PTPRM: variants seen among roughly 807,000 people sequenced by gnomAD.
The protein encoded by PTPRM is protein tyrosine phosphatase receptor type M, also known as receptor-type tyrosine-protein phosphatase mu.
In PTPRM, 47 loss-of-function variants were observed where a neutral mutation model predicts 186.7. The observed-to-expected ratio is 0.25, with a 90% CI of 0.20 to 0.32. The LOEUF is 0.32. Ranked by LOEUF, PTPRM falls within the 10% of genes least tolerant of loss-of-function variation. The pLI, the probability that PTPRM is intolerant of heterozygous loss-of-function variation, is 1.00. For missense variants in PTPRM, 1,494 were observed against 1,865.0 expected, an observed-to-expected ratio of 0.80 and a Z score of 3.66; for synonymous variants, 668 against 674.9, an observed-to-expected ratio of 0.99 and a Z score of 0.16.
At chr18:7,808,360 C>G (rs746375244) in intron 2 of PTPRM, among the ~76,000 whole-genome samples, 1 of 152,016 alleles carries the variant, frequency 6.6e-6, no homozygotes, top group Non-Finnish European at 1.5e-5. Context: ...CATGTAGAGG[C>G]GAGTTAGATT....
At chr18:7,611,746 G>A (rs1282889332) in intron 1 of PTPRM, among the ~76,000 whole-genome samples, 1 of 152,154 alleles carries the variant, frequency 6.6e-6, no homozygotes, top group African/African-American at 2.4e-5. Context: ...GGTCTTATGA[G>A]GGAGAGTTTC....
At chr18:8,221,179 GA>G (rs1177961254) in intron 14 of PTPRM, among the ~76,000 whole-genome samples, 1 of 152,134 alleles carries the variant, frequency 6.6e-6, no homozygotes, top group Non-Finnish European at 1.5e-5. Flanking sequence ...TGGTCATGAA[GA>G]AAAGCATTAT....
At chr18:7,957,101 T>G (rs556887210) in intron 7 of PTPRM, among the ~76,000 whole-genome samples, 10 of 152,122 alleles carry the variant, frequency 6.6e-5, no homozygotes, top group Admixed American at 2.0e-4. Context: ...TTGTTTAGAC[T>G]GGAGAGAGAC....
At chr18:8,398,465 G>C (rs1276401195) in intron 32 of PTPRM, among the ~76,000 whole-genome samples, 1 of 151,792 alleles carries the variant, frequency 6.6e-6, no homozygotes, top group Non-Finnish European at 1.5e-5. Flanking sequence ...TGTAAAGTGG[G>C]AGTAAGAATA....
At chr18:7,736,629 C>G (rs763550540) in intron 1 of PTPRM, among the ~76,000 whole-genome samples, 1 of 152,156 alleles carries the variant, frequency 6.6e-6, no homozygotes, top group Non-Finnish European at 1.5e-5. Context: ...ATGAAAGGGT[C>G]GTGATTGATT....
chr18:8,088,742 T>C lies in PTPRM; in HGVS notation c.1754-7T>C, dbSNP rs2090561613. ...ATGAGTCTCCCATTCTACGCCTTTT[T>C]CCCCAGCACCCTCTATGCCAGCTTA... On this transcript the variant is annotated splice_region_variant and splice_polypyrimidine_tract_variant and intron_variant, in intron 10 of 32. Coordinates refer to ENST00000580170, the MANE Select transcript of PTPRM (RefSeq NM_001105244.2). 6.2e-7 allele frequency: 1 copy of C among 1,601,304 alleles called. No homozygotes were observed. The highest frequency in any genetic ancestry group is 8.6e-7 in the Non-Finnish European group (1 of 1,168,666).
intron 18 of PTPRM, among the ~76,000 whole-genome samples, chr18:8,252,979 A>G (rs964092022): frequency 3.3e-5 from 5 of 152,246 alleles, no homozygotes; most frequent in Non-Finnish European, 5.9e-5. Context: ...GCTCTTCTCA[A>G]TTAGCTTTGT....
intron 7 of PTPRM, among the ~76,000 whole-genome samples, chr18:8,034,655 T>G (rs1011300130): frequency 6.6e-6 from 1 of 152,208 alleles, no homozygotes; most frequent in African/African-American, 2.4e-5. Flanking sequence ...TGCTCCACTC[T>G]GGGCTCACAG....
chr18:7,979,031 C>A (rs925753780), intron 7 of PTPRM, among the ~76,000 whole-genome samples: 10 of 152,094 alleles, frequency 6.6e-5, no homozygotes, highest in African/African-American at 2.4e-4. Flanking sequence ...CCTGGGTGAC[C>A]TTATCTATAA....
intron 3 of PTPRM, among the ~76,000 whole-genome samples, chr18:7,896,494 A>G (rs561570051): frequency 2.1e-5 from 3 of 146,340 alleles, no homozygotes; most frequent in Non-Finnish European, 4.5e-5. Context: ...TTTGATATAA[A>G]TGGTTGCTTT....
chr18:8,396,903 G>A lies in PTPRM; in HGVS notation c.4344+2292G>A, dbSNP rs553913062. 5.3e-4 allele frequency among the ~76,000 whole-genome samples: 81 copies of A among 152,350 alleles called. 1 individual carries two copies. Among genetic ancestry groups the A allele is most frequent in the Non-Finnish European group, 9.6e-4 (65 of 68,028 alleles). On this transcript the variant is annotated intron_variant, in intron 32 of 32. Transcript: ENST00000580170. ...GACCTGTTGTCATTTGGTTTTGCCTGTAAATACGACTTCTGTTTAGTTTGG... is the reference window on the plus strand; with the variant it reads ...GACCTGTTGTCATTTGGTTTTGCCTATAAATACGACTTCTGTTTAGTTTGG...
At chr18:7,789,347 T>TTATTAA (rs1464659948) in intron 2 of PTPRM, among the ~76,000 whole-genome samples, 1 of 152,022 alleles carries the variant, frequency 6.6e-6, no homozygotes, top group Non-Finnish European at 1.5e-5. Flanking sequence ...ATGATGATTA[T>TTATTAA]TATTAATATT....
intron 14 of PTPRM, 105 bp downstream of exon 14, chr18:8,143,884 GAC>G: frequency 1.4e-6 from 2 of 1,387,828 alleles, no homozygotes; most frequent in Non-Finnish European, 2.0e-6. Flanking sequence ...TGATAACCCA[GAC>G]ACATCTGTGA....
chr18:8,398,087 C>G (rs1404506542), intron 32 of PTPRM, among the ~76,000 whole-genome samples: 2 of 152,228 alleles, frequency 1.3e-5, no homozygotes, highest in African/African-American at 4.8e-5. Flanking sequence ...ATCCTCCCAC[C>G]TCAGCCTCTC....
At chr18:8,045,924 C>T (rs759513911) in intron 7 of PTPRM, among the ~76,000 whole-genome samples, 1 of 152,114 alleles carries the variant, frequency 6.6e-6, no homozygotes, top group South Asian at 2.1e-4. Context: ...TTTCTTCAGT[C>T]GCATATGTCA....
intron 14 of PTPRM, among the ~76,000 whole-genome samples, chr18:8,197,064 C>G (rs1209349614): frequency 6.6e-6 from 1 of 152,154 alleles, no homozygotes; most frequent in Non-Finnish European, 1.5e-5. Context: ...ATATTTAACT[C>G]TGGTTTGTTT....
In PTPRM at chr18:7,846,444, C is replaced by T. The variant is rs77505246; in HGVS notation, c.197-41662C>T. Among the ~76,000 whole-genome samples the T allele has an allele frequency of 2.0e-3, 310 of 152,306 alleles. 7 individuals are homozygous for T. In the East Asian group the frequency reaches 0.047, roughly 23 times the overall value. On this transcript the variant is annotated intron_variant, in intron 2 of 32. Coordinates refer to ENST00000580170, the MANE Select transcript of PTPRM (RefSeq NM_001105244.2). ...CTGTATTTGCTATAACGAGTAAGAA[C>T]TGTTTTTCTCTAGGATGTTAGGGTG...
chr18:7,887,982 G>T (rs1217155860), intron 2 of PTPRM, 124 bp from the exon 3 acceptor site: 1 of 1,079,638 alleles, frequency 9.3e-7, no homozygotes, highest in East Asian at 2.4e-5. Flanking sequence ...TGGAAGAAAT[G>T]GCAGTTTAAG....
intron 22 of PTPRM, among the ~76,000 whole-genome samples, chr18:8,334,207 C>T (rs2095426551): frequency 6.6e-6 from 1 of 152,252 alleles, no homozygotes; most frequent in African/African-American, 2.4e-5. Flanking sequence ...CTGGGTTCCC[C>T]TTATTCCAGC....
Sources: allele counts gnomAD v4.1 joint callset (sites outside exome capture counted in the v4.1 genomes callset), GRCh38; gene constraint gnomAD v4.1.1; transcripts MANE v1.5; gene names NCBI Gene and HGNC (gene_info 2026-07-23, HGNC 2026-07-21).